Variants in DPYSL2 observed in about 807,000 individuals in gnomAD.
The protein encoded by DPYSL2 is dihydropyrimidinase like 2.
A neutral mutation model predicts 69.9 loss-of-function variants in DPYSL2; 13 were observed. That is an observed-to-expected ratio of 0.19 (90% CI 0.12 to 0.30). The LOEUF (loss-of-function observed/expected upper bound fraction) is 0.30. Among genes scored for constraint, DPYSL2 ranks in the 10% least tolerant of loss-of-function variants. DPYSL2 has a pLI of 1.00. For synonymous variants in DPYSL2, 326 were observed against 359.1 expected (o/e 0.91, Z 1.04); for missense variants, 587 against 918.9 (o/e 0.64, Z 4.67).
In DPYSL2 at chr8:26,562,381, C is replaced by G. The variant is rs959261113; in HGVS notation, c.355-19588C>G. Among the ~76,000 whole-genome samples, 1 of 152,116 alleles carries G rather than the reference C, an allele frequency of 6.6e-6. No homozygotes were observed. The highest frequency in any genetic ancestry group is 6.6e-5 in the Admixed American group (1 of 15,266). The stretch of plus-strand genomic sequence containing the variant: ...AAAGTGGTAGCTGTTATTATTGCCT[C>G]CAACATAAATGACACATCTGTCCAT... On this transcript the variant is annotated intron_variant, in intron 1 of 13. Coordinates refer to ENST00000521913, the MANE Select transcript of DPYSL2 (RefSeq NM_001197293.3). This position sits in a 1 kb window ranked among gnomAD's most constrained non-coding sequence, Gnocchi z 4.9.
At position 26,524,835 on chromosome 8, in the gene DPYSL2, A is replaced by AAGAG. The variant is rs1554531504; in HGVS notation, c.354+10162_354+10165dup. 5.1e-3 allele frequency among the ~76,000 whole-genome samples: 379 copies of AAGAG among 74,208 alleles called. 6 individuals carry two copies. Among genetic ancestry groups the AAGAG allele is most frequent in the South Asian group, 0.021 (35 of 1,656 alleles). 48.7% of individuals were successfully genotyped at this position (74,208 alleles called of 152,430 possible). ...AAAAAAAAAAAAAAAAAAAAAAAAA[A>AAGAG]AGAGAGAGAATTACTGTTTTTCAAT... On this transcript the variant is annotated intron_variant, in intron 1 of 13. Coordinates refer to ENST00000521913, the MANE Select transcript of DPYSL2 (RefSeq NM_001197293.3).
chr8:26,622,074 TTTC>T (rs993084017), intron 3 of DPYSL2, among the ~76,000 whole-genome samples: 4 of 124,404 alleles, frequency 3.2e-5, no homozygotes, highest in African/African-American at 1.2e-4. Context: ...TTTTCTTTTT[TTTC>T]TTTCTTTCTT....
rs968789495 is a variant in DPYSL2, at chr8:26,626,432, C to G, written c.794-185C>G. Among the ~76,000 whole-genome samples, 1 of 151,814 alleles carries G rather than the reference C, an allele frequency of 6.6e-6. No homozygotes were observed. Among genetic ancestry groups the G allele is most frequent in the African/African-American group, 2.4e-5 (1 of 41,274 alleles). On this transcript the variant is annotated intron_variant, in intron 4 of 13. Coordinates refer to ENST00000521913, the MANE Select transcript of DPYSL2 (RefSeq NM_001197293.3). This position sits in a 1 kb window ranked among gnomAD's most constrained non-coding sequence, Gnocchi z 4.3. ...GGTTATTTATATGGTACTCTGCTTC[C>G]TTTACCATTCTGTGTCTCCATTTCT...
chr8:26,548,274 G>A (rs559871196), intron 1 of DPYSL2: 2 of 213,878 alleles, frequency 9.4e-6, no homozygotes, highest in Admixed American at 5.2e-5. Flanking sequence ...GGCAAGATGA[G>A]GCACCTATGG....
At chr8:26,566,377 C>T (rs1801148428) in intron 1 of DPYSL2, among the ~76,000 whole-genome samples, 1 of 152,148 alleles carries the variant, frequency 6.6e-6, no homozygotes, top group African/African-American at 2.4e-5. Context: ...GAATTGGAAA[C>T]CTGAGGGAAT....
At position 26,643,760 on chromosome 8, in the gene DPYSL2, A is replaced by G. The variant is rs1268312671; in HGVS notation, c.1283+165A>G. 6.6e-6 allele frequency among the ~76,000 whole-genome samples: 1 copy of G among 152,152 alleles called. No homozygotes were observed. The highest frequency in any genetic ancestry group is 1.5e-5 in the Non-Finnish European group (1 of 68,030). ...GAGTACAGGGAATTGTCATTCTAGC[A>G]CCATTTTGGGAGGGGATTCTGGATA... On this transcript the variant is annotated intron_variant, in intron 9 of 13. Transcript: ENST00000521913. This position sits in a 1 kb window ranked among gnomAD's most constrained non-coding sequence, Gnocchi z 6.5.
At chr8:26,546,975 T>C (rs1476951015) in intron 1 of DPYSL2, among the ~76,000 whole-genome samples, 1 of 109,772 alleles carries the variant, frequency 9.1e-6, no homozygotes, top group African/African-American at 3.6e-5. Flanking sequence ...CTGCAGAAAC[T>C]GAAAATCAAC....
intron 1 of DPYSL2, among the ~76,000 whole-genome samples, chr8:26,573,311 T>G (rs894149262): frequency 2.6e-5 from 4 of 151,944 alleles, no homozygotes; most frequent in African/African-American, 9.7e-5. Flanking sequence ...GATCCTGAGG[T>G]CAGGAGTTTG....
intron 1 of DPYSL2, among the ~76,000 whole-genome samples, chr8:26,546,948 A>AG (rs1277129806): frequency 5.2e-4 from 76 of 146,708 alleles, no homozygotes; most frequent in Non-Finnish European, 1.1e-3. Context: ...AAAAAAAAAA[A>AG]AAAGAAAAGA....
intron 1 of DPYSL2, chr8:26,576,982 A>C (rs1422528421): frequency 3.3e-6 from 1 of 304,102 alleles, no homozygotes. Flanking sequence ...CACAGAGCGC[A>C]GATCGCGCCA....
chr8:26,552,872 G>A lies in DPYSL2; in HGVS notation c.355-29097G>A, dbSNP rs146303727. On this transcript the variant is annotated intron_variant, in intron 1 of 13. Coordinates refer to ENST00000521913, the MANE Select transcript of DPYSL2 (RefSeq NM_001197293.3). ...CTGCGGATGAAGTTTCATGTGAGAA[G>A]GGACAAACATTCAAACCATAGCATT... Among the ~76,000 whole-genome samples, 481 of 152,230 alleles carry A rather than the reference G, an allele frequency of 3.2e-3. 1 individual carries two copies. The highest frequency in any genetic ancestry group is 0.01 in the African/African-American group (431 of 41,534).
intron 1 of DPYSL2, among the ~76,000 whole-genome samples, chr8:26,534,077 GCAA>G (rs1252084044): frequency 2.6e-5 from 4 of 152,204 alleles, no homozygotes; most frequent in Admixed American, 1.3e-4. Context: ...AGTTCAATGA[GCAA>G]CAACAAGACT....
chr8:26,560,994 C>T lies in DPYSL2; in HGVS notation c.355-20975C>T, dbSNP rs531735225. ...CCACAGTTATTAATGGTACCTTACA[C>T]TACACAGTTGCTGCCACATCCATTA... On this transcript the variant is annotated intron_variant, in intron 1 of 13. Transcript: ENST00000521913. The surrounding 1 kb of genome is among the most constrained non-coding windows in gnomAD (Gnocchi z 4.4). Among the ~76,000 whole-genome samples, 3 of 152,268 alleles carry T rather than the reference C, an allele frequency of 2.0e-5. No homozygotes were observed. The highest frequency in any genetic ancestry group is 7.2e-5 in the African/African-American group (3 of 41,552).
At position 26,598,457 on chromosome 8, in the gene DPYSL2, G is replaced by T. The variant is rs1009997356; in HGVS notation, c.628+14474G>T. Among the ~76,000 whole-genome samples the T allele has an allele frequency of 6.6e-6, 1 of 152,064 alleles. No homozygotes were observed. The highest frequency in any genetic ancestry group is 2.4e-5 in the African/African-American group (1 of 41,390). Reference sequence around the variant, plus strand: ...CTTTTCCCTCCTGCTCTATGAAAACGTATTTTCCATGTTAAAAAAGGAAGA... The same window carrying T: ...CTTTTCCCTCCTGCTCTATGAAAACTTATTTTCCATGTTAAAAAAGGAAGA... On this transcript the variant is annotated intron_variant, in intron 3 of 13. Coordinates refer to ENST00000521913, the MANE Select transcript of DPYSL2 (RefSeq NM_001197293.3). The surrounding 1 kb of genome is among the most constrained non-coding windows in gnomAD (Gnocchi z 4.2).
At chr8:26,628,378 G>T (rs568546304) in intron 7 of DPYSL2, among the ~76,000 whole-genome samples, 2 of 152,294 alleles carry the variant, frequency 1.3e-5, no homozygotes, top group East Asian at 3.9e-4. Flanking sequence ...CCCTGCACAG[G>T]ATATCACATG....
At chr8:26,553,100 C>A (rs896531968) in intron 1 of DPYSL2, among the ~76,000 whole-genome samples, 12 of 152,146 alleles carry the variant, frequency 7.9e-5, no homozygotes, top group African/African-American at 2.9e-4. Flanking sequence ...CCTAAACTCA[C>A]ACAAGAAGAA....
In DPYSL2 at chr8:26,582,127, C is replaced by T. The variant is rs1003905538; in HGVS notation, c.443+70C>T. 6.1e-5 allele frequency: 77 copies of T among 1,259,192 alleles called. No individual in the cohort carries two copies. The highest frequency in any genetic ancestry group is 9.8e-5 in the South Asian group (8 of 81,278). The allele number at this position is 1,259,192 out of a possible 1,614,324, so 78.0% of individuals were successfully genotyped here. The stretch of plus-strand genomic sequence containing the variant: ...GACTTCCCAAGTATTAGATACCATT[C>T]GCATCCAAAGTATCAAACTTCAGGA... On this transcript the variant is annotated intron_variant, in intron 2 of 13. Transcript: ENST00000521913. The surrounding 1 kb of genome is among the most constrained non-coding windows in gnomAD (Gnocchi z 4.1).
At chr8:26,629,106 G>A (rs1802680313) in intron 7 of DPYSL2, among the ~76,000 whole-genome samples, 1 of 152,174 alleles carries the variant, frequency 6.6e-6, no homozygotes, top group African/African-American at 2.4e-5. Flanking sequence ...GGAGCCACTC[G>A]GAATGCTTTG....
At chr8:26,547,947 G>A in intron 1 of DPYSL2, 1 of 248,666 alleles carries the variant, frequency 4.0e-6, no homozygotes. Flanking sequence ...GTTGGAAACA[G>A]ATAAGCAGGA....
Sources: allele counts gnomAD v4.1 joint callset (sites outside exome capture counted in the v4.1 genomes callset), GRCh38; gene constraint gnomAD v4.1.1; non-coding constraint Gnocchi (gnomAD v3.1); transcripts MANE v1.5; gene names NCBI Gene and HGNC (gene_info 2026-07-23, HGNC 2026-07-21).